Variants in CDC42BPB observed in about 807,000 individuals in gnomAD.
The protein encoded by CDC42BPB is serine/threonine-protein kinase MRCK beta.
Under a neutral mutation model 214.9 loss-of-function variants are expected in CDC42BPB, and 37 were observed. The ratio of observed to expected loss-of-function variants is 0.17; its 90% CI spans 0.13 to 0.23. The LOEUF is 0.23. Among genes scored for constraint, CDC42BPB ranks in the 10% least tolerant of loss-of-function variants. CDC42BPB has a pLI of 1.00. For synonymous variants in CDC42BPB, 931 were observed against 884.0 expected (o/e 1.05, Z -0.94); for missense variants, 1,694 against 2,227.0 (o/e 0.76, Z 4.82).
At chr14:102,957,716 G>C (rs1247080924) in intron 21 of CDC42BPB, among the ~76,000 whole-genome samples, 1 of 152,264 alleles carries the variant, frequency 6.6e-6, no homozygotes, top group Non-Finnish European at 1.5e-5. Context: ...CTTGGGTGTT[G>C]TAATGACAGA....
In CDC42BPB at chr14:103,009,914, G is replaced by C. The variant is rs184587237; in HGVS notation, c.268-1359C>G. Among the ~76,000 whole-genome samples the C allele has an allele frequency of 5.9e-3, 901 of 152,334 alleles. 8 individuals are homozygous for C. Among genetic ancestry groups the C allele is most frequent in the Non-Finnish European group, 5.7e-3 (391 of 68,026 alleles). ...CCCAGCACTCTTGAAGGTGGAGGCA[G>C]GACAATCACTTGTGCCCAGGAGTTT... is the stretch of plus-strand genomic sequence containing the variant. On this transcript the variant is annotated intron_variant, in intron 2 of 36. Transcript: ENST00000361246.
At chr14:102,949,060 C>T (rs150017369) in intron 26 of CDC42BPB, among the ~76,000 whole-genome samples, 1 of 152,298 alleles carries the variant, frequency 6.6e-6, no homozygotes, top group East Asian at 1.9e-4. Flanking sequence ...CCCGTGTGCA[C>T]CACACAACAG....
intron 5 of CDC42BPB, among the ~76,000 whole-genome samples, chr14:102,990,963 C>G (rs770578148): frequency 1.3e-5 from 2 of 152,190 alleles, no homozygotes; most frequent in Non-Finnish European, 2.9e-5. Flanking sequence ...AGCCGGATGA[C>G]GACTGGTCAG....
At chr14:102,989,487 G>T (rs1170983400) in intron 5 of CDC42BPB, among the ~76,000 whole-genome samples, 1 of 152,168 alleles carries the variant, frequency 6.6e-6, no homozygotes, top group African/African-American at 2.4e-5. Flanking sequence ...CAAAATATTG[G>T]AAACTATCTA....
chr14:102,976,040 A>G lies in CDC42BPB; in HGVS notation c.1230T>C (p.Ser410=), dbSNP rs1893726516. 6.2e-7 allele frequency: 1 copy of G among 1,610,224 alleles called. No homozygotes were observed. The highest frequency in any genetic ancestry group is 8.5e-7 in the Non-Finnish European group (1 of 1,177,314). ...TTATGCTCTTCAGAGAGCCTCGATC[A>G]GAAAAACAGCTGGGAAACCAAGCAA... ...GFTFTTESCF[S]DRGSLKSIMQ... is the part of the protein sequence containing the mutation. The change falls in exon 10 of 37, where the codon TCT becomes TCC. Residue 410 remains serine (S), a synonymous_variant. Coordinates refer to ENST00000361246, the MANE Select transcript of CDC42BPB (RefSeq NM_006035.4).
rs549020008 is a variant in CDC42BPB, at chr14:102,944,813, C to T, written c.3812-326G>A. The stretch of plus-strand genomic sequence containing the variant: ...TGGGCAGCGCTTCCACCTGGGTCCT[C>T]GCGCAGCAAGGCCCTGGGGTGATCT... On this transcript the variant is annotated intron_variant, in intron 29 of 36. Transcript: ENST00000361246. This position sits in a 1 kb window ranked among gnomAD's most constrained non-coding sequence, Gnocchi z 6.6. Among the ~76,000 whole-genome samples the T allele has an allele frequency of 3.3e-4, 50 of 152,298 alleles. No individual in the cohort carries two copies. The highest frequency in any genetic ancestry group is 3.4e-3 in the Middle Eastern group (1 of 294).
At chr14:102,986,804 G>T in intron 5 of CDC42BPB, 1 of 867,032 alleles carries the variant, frequency 1.2e-6, no homozygotes, top group Non-Finnish European at 1.4e-6. Context: ...GCGAGGCCCT[G>T]TGACGATTCC....
chr14:103,044,404 CTG>C (rs1399291993), intron 1 of CDC42BPB, among the ~76,000 whole-genome samples: 2 of 145,398 alleles, frequency 1.4e-5, no homozygotes, highest in East Asian at 4.1e-4. Flanking sequence ...GAGTCTCGCT[CTG>C]TCACCCAGGC....
chr14:103,023,924 T>C (rs1482648880), intron 1 of CDC42BPB, among the ~76,000 whole-genome samples: 1 of 152,180 alleles, frequency 6.6e-6, no homozygotes, highest in African/African-American at 2.4e-5. Flanking sequence ...GGAGCCCCCA[T>C]GTCAGCTGGG....
chr14:102,943,149 G>A lies in CDC42BPB; in HGVS notation c.4408+742C>T, dbSNP rs189606957. ...GGGCTCCCAAAGTGCTGGGATTACA[G>A]GTGTGAGCCATATTTTGTTATTTAG... On this transcript the variant is annotated intron_variant, in intron 30 of 36. Coordinates refer to ENST00000361246, the MANE Select transcript of CDC42BPB (RefSeq NM_006035.4). This position sits in a 1 kb window ranked among gnomAD's most constrained non-coding sequence, Gnocchi z 4.6. Among the ~76,000 whole-genome samples the A allele has an allele frequency of 6.6e-6, 1 of 152,278 alleles. No homozygotes were observed. Among genetic ancestry groups the A allele is most frequent in the African/African-American group, 2.4e-5 (1 of 41,548 alleles).
chr14:103,052,153 G>A (rs1888644241), intron 1 of CDC42BPB, among the ~76,000 whole-genome samples: 1 of 152,194 alleles, frequency 6.6e-6, no homozygotes, highest in African/African-American at 2.4e-5. Flanking sequence ...GACAGAAAAG[G>A]TAGGGCTGGG....
intron 4 of CDC42BPB, among the ~76,000 whole-genome samples, chr14:103,002,454 T>TA (rs1045051036): frequency 3.2e-4 from 48 of 152,166 alleles, no homozygotes; most frequent in Non-Finnish European, 5.9e-4. Flanking sequence ...TATGCTAATT[T>TA]AAAAAAATAT....
chr14:103,036,944 G>A lies in CDC42BPB; in HGVS notation c.175+20055C>T, dbSNP rs577769813. The stretch of plus-strand genomic sequence containing the variant: ...CAATTCTCCTGCCTCAGCCTCCTGA[G>A]TAGCTAGGACACAGGCCCACACCAC... On this transcript the variant is annotated intron_variant, in intron 1 of 36. Coordinates refer to ENST00000361246, the MANE Select transcript of CDC42BPB (RefSeq NM_006035.4). Among the ~76,000 whole-genome samples the A allele has an allele frequency of 6.1e-3, 927 of 152,156 alleles. 5 individuals carry two copies. The highest frequency in any genetic ancestry group is 9.4e-3 in the Non-Finnish European group (636 of 67,990).
At chr14:103,024,830 C>T (rs34047180) in intron 1 of CDC42BPB, among the ~76,000 whole-genome samples, 1,673 of 152,282 alleles carry the variant, frequency 0.011, 14 homozygotes, top group Non-Finnish European at 0.018. Context: ...CTGCCCACCT[C>T]GGCCTTCCAA....
At chr14:102,979,838 G>A (rs1893921319) in intron 8 of CDC42BPB, among the ~76,000 whole-genome samples, 1 of 152,160 alleles carries the variant, frequency 6.6e-6, no homozygotes, top group African/African-American at 2.4e-5. Flanking sequence ...ACTGGCTAGT[G>A]TGTCAAAGAG....
rs533094027 is a variant in CDC42BPB at position 102,974,358 on chromosome 14, C to A, written c.1508-209G>T. 10 of 984,456 alleles carry A rather than the reference C, an allele frequency of 1.0e-5. No individual in the cohort carries two copies. The East Asian group carries it at 1.1e-3, about 112-fold the overall frequency. The allele number at this position is 984,456 out of a possible 1,614,324, so 61.0% of individuals were successfully genotyped here. A position where few individuals can be genotyped will look rare whatever the true frequency, so the allele number is the denominator to read the frequency against. On this transcript the variant is annotated intron_variant, in intron 11 of 36. Coordinates refer to ENST00000361246, the MANE Select transcript of CDC42BPB (RefSeq NM_006035.4). The stretch of plus-strand genomic sequence containing the variant: ...CAGCTACCTGCATGCCTGTGCTGAA[C>A]AGGCTCCCTAGACTTTACTCTGATC...
chr14:102,934,487 C>G, intron 36 of CDC42BPB, among the ~76,000 whole-genome samples: 1 of 150,412 alleles, frequency 6.6e-6, no homozygotes. Context: ...TGAGCCGAGA[C>G]TGCACCACTG....
intron 1 of CDC42BPB, among the ~76,000 whole-genome samples, chr14:103,054,714 G>C (rs544777281): frequency 6.6e-6 from 1 of 152,164 alleles, no homozygotes; most frequent in Non-Finnish European, 1.5e-5. Context: ...CCCTATAATT[G>C]AAAGTTTATA....
chr14:102,959,025 G>T (rs889052028), intron 21 of CDC42BPB, among the ~76,000 whole-genome samples: 52 of 151,786 alleles, frequency 3.4e-4, no homozygotes, highest in African/African-American at 1.2e-3. Context: ...GGCTGGGCGT[G>T]GTGGCTCACG....
Sources: gnomAD v4.1 joint callset for allele counts (sites outside exome capture counted in the v4.1 genomes callset) on GRCh38, gnomAD v4.1.1 for gene constraint, Gnocchi (gnomAD v3.1) non-coding constraint, MANE v1.5 for transcripts, NCBI Gene and HGNC (gene_info 2026-07-23, HGNC 2026-07-21) for gene names.